Variants in GYG2 observed in about 807,000 individuals in gnomAD.
GYG2 encodes the protein glycogenin-2.
GYG2 carries 29 observed loss-of-function variants against 29.4 expected under a neutral mutation model. The observed-to-expected ratio is 0.99, with a 90% CI of 0.74 to 1.35. The LOEUF is 1.35. Ranked by LOEUF, GYG2 falls within the 40% of genes most tolerant of loss-of-function variation. The probability of loss-of-function intolerance (pLI) is 0.00; values close to 1 mark genes in which losing one functional copy is unlikely to be tolerated. For missense variants in GYG2, 370 were observed against 385.7 expected (o/e 0.96, Z 0.34); for synonymous variants, 167 against 172.3 (o/e 0.97, Z 0.24).
chrX:2,843,546 C>T (rs189028500), intron 3 of GYG2, among the ~76,000 whole-genome samples, 192 bp downstream of exon 3: 4 of 112,229 alleles, frequency 3.6e-5, no homozygotes, highest in Admixed American at 9.4e-5. Flanking sequence ...GGCGTGTGAT[C>T]GGCTTCACAA....
chrX:2,838,452 C>CCCCTCCCTGCCTCCTT, intron 2 of GYG2, among the ~76,000 whole-genome samples: 1 of 72,724 alleles, frequency 1.4e-5, no homozygotes, highest in Non-Finnish European at 2.6e-5. Flanking sequence ...CCCCTCCCCT[C>CCCCTCCCTGCCTCCTT]CCCTCCCTTC....
At chrX:2,829,956 G>A (rs1423383502) in intron 1 of GYG2, 105 bp from the exon 2 acceptor site, 3 of 408,140 alleles carry the variant, frequency 7.4e-6, no homozygotes, top group South Asian at 7.5e-5. Flanking sequence ...GGGGGAGGCA[G>A]GGGCCCCGTG....
intron 8 of GYG2, among the ~76,000 whole-genome samples, chrX:2,865,758 G>C (rs1446344372): frequency 8.9e-6 from 1 of 111,830 alleles, no homozygotes; most frequent in Non-Finnish European, 1.9e-5. Flanking sequence ...AAGATGTGGA[G>C]AAAGGGGAAC....
chrX:2,882,076 C>T lies in GYG2; in HGVS notation c.*863C>T, dbSNP rs975423107. The T allele has an allele frequency of 6.3e-5, 7 of 110,629 alleles. No homozygotes were observed. The highest frequency in any genetic ancestry group is 3.9e-4 in the Admixed American group (4 of 10,319). 9.1% of individuals were successfully genotyped at this position (110,629 alleles called of 1,213,427 possible). On this transcript the variant is annotated 3_prime_UTR_variant, in exon 11 of 11. Transcript: ENST00000398806. ...CAATAACTTAGTGAATCACTGCCCT[C>T]CTCAAAGCCATTTCCACTCAGCTCT...
intron 3 of GYG2, among the ~76,000 whole-genome samples, chrX:2,848,466 A>T (rs1172086297): frequency 9.4e-6 from 1 of 106,047 alleles, no homozygotes; most frequent in Non-Finnish European, 1.9e-5. Context: ...TGAACCTGGG[A>T]GGCAGAGGTT....
At chrX:2,845,756 T>C (rs1296237810) in intron 3 of GYG2, among the ~76,000 whole-genome samples, 1 of 105,126 alleles carries the variant, frequency 9.5e-6, no homozygotes, top group Non-Finnish European at 1.9e-5. Flanking sequence ...TATGCATGTG[T>C]ATGTATATAT....
chrX:2,846,076 T>A (rs1310054383), intron 3 of GYG2, among the ~76,000 whole-genome samples: 1 of 45,743 alleles, frequency 2.2e-5, no homozygotes, highest in Admixed American at 2.9e-4. Context: ...TTTTTTTTTT[T>A]TTTTTTTTGA....
chrX:2,853,992 G>C lies in GYG2; in HGVS notation c.162G>C (p.Ser54=), dbSNP rs899828052. ...QVSSLLRVIL[S]KVFDEVIEVN... Reference sequence around the variant, plus strand: ...ATGTCTGTTCCAGGGTCATCCTCTCGAAGGTGTTCGATGAAGTCATTGAAG... The same window carrying C: ...ATGTCTGTTCCAGGGTCATCCTCTCCAAGGTGTTCGATGAAGTCATTGAAG... The change falls in exon 4 of 11, where the codon TCG becomes TCC. Residue 54 remains serine, a synonymous_variant. Transcript: ENST00000398806. The C allele has an allele frequency of 8.3e-7, 1 of 1,200,865 alleles. No individual in the cohort carries two copies. Among genetic ancestry groups the C allele is most frequent in the Non-Finnish European group, 1.1e-6 (1 of 886,031 alleles).
At position 2,855,138 on chromosome X, in the gene GYG2, A is replaced by G; in HGVS notation, c.470A>G (p.Glu157Gly). Residue 157 changes from glutamate (E) to glycine (G), a missense_variant, in exon 5 of 11, where the codon GAA becomes GGA. By Grantham distance (98) the Glu-to-Gly change is moderately conservative. Transcript: ENST00000398806. Reference sequence around the variant, plus strand: ...AAACTCCTGCTACAGCACGCCATGGAACACGGCAGCTTTGACGGTAAGTCA... The same window carrying G: ...AAACTCCTGCTACAGCACGCCATGGGACACGGCAGCTTTGACGGTAAGTCA... ...THKLLLQHAMEHGSFDGADQG... is the reference protein window; with the variant it reads ...THKLLLQHAMGHGSFDGADQG... The G allele has an allele frequency of 1.7e-6, 2 of 1,210,729 alleles. No homozygotes were observed. Among genetic ancestry groups the G allele is most frequent in the South Asian group, 3.5e-5 (2 of 56,893 alleles).
chrX:2,859,983 G>T lies in GYG2; in HGVS notation c.755G>T (p.Trp252Leu). 1 of 1,206,692 alleles carries T rather than the reference G, an allele frequency of 8.3e-7. No homozygotes were observed. Among genetic ancestry groups the T allele is most frequent in the Non-Finnish European group, 1.1e-6 (1 of 892,397 alleles). Residue 252 changes from tryptophan to leucine, a missense_variant, in exon 7 of 11, where the codon TGG becomes TTG. Transcript: ENST00000398806. Reference protein sequence around the residue: ...SQHQAAFLHLWWTVYQNNVLP... With the variant: ...SQHQAAFLHLLWTVYQNNVLP... ...CACCAGGCGGCATTCCTTCATCTCTGGTGGACGGTCTACCAGAACAACGTG... is the reference window on the plus strand; with the variant it reads ...CACCAGGCGGCATTCCTTCATCTCTTGTGGACGGTCTACCAGAACAACGTG...
chrX:2,846,316 C>T (rs778678132), intron 3 of GYG2, among the ~76,000 whole-genome samples: 1 of 106,923 alleles, frequency 9.4e-6, no homozygotes, highest in South Asian at 4.1e-4. Context: ...ATCTGCCCGC[C>T]TCCGCCTCCC....
In GYG2 at chrX:2,859,862, G is replaced by A. The variant is rs1053648651; in HGVS notation, c.634G>A (p.Val212Ile). ...AFKQFGSSAKVVHFLGSMKPW... is the reference protein window; with the variant it reads ...AFKQFGSSAKIVHFLGSMKPW... ...TCTCAGATTCGGTTCCAGTGCAAAGGTCGTCCACTTTTTGGGGTCCATGAA... is the reference window on the plus strand; with the variant it reads ...TCTCAGATTCGGTTCCAGTGCAAAGATCGTCCACTTTTTGGGGTCCATGAA... The change falls in exon 7 of 11, where the codon GTC becomes ATC. Residue 212 changes from valine (V) to isoleucine (I), a missense_variant. Transcript: ENST00000398806. 1 of 1,197,020 alleles carries A rather than the reference G, an allele frequency of 8.4e-7. No individual in the cohort carries two copies. Among genetic ancestry groups the A allele is most frequent in the Admixed American group, 2.2e-5 (1 of 45,755 alleles).
chrX:2,877,677 C>T (rs986186496), intron 10 of GYG2: 26 of 749,471 alleles, frequency 3.5e-5, no homozygotes, highest in Non-Finnish European at 3.9e-5. Context: ...TGCTAATGTT[C>T]GAATCCAAAT....
intron 8 of GYG2, among the ~76,000 whole-genome samples, chrX:2,869,914 T>C (rs1196784589): frequency 8.9e-6 from 1 of 112,609 alleles, no homozygotes; most frequent in African/African-American, 3.2e-5. Context: ...AGTGTTGAAA[T>C]TACAGGCGTG....
chrX:2,869,337 C>T (rs758084740), intron 8 of GYG2, among the ~76,000 whole-genome samples: 14 of 111,063 alleles, frequency 1.3e-4, no homozygotes, highest in Non-Finnish European at 2.1e-4. Context: ...CTTGAGCATC[C>T]GTGGATTTTG....
chrX:2,846,718 C>T (rs2087746161), intron 3 of GYG2, among the ~76,000 whole-genome samples: 1 of 111,753 alleles, frequency 8.9e-6, no homozygotes, highest in South Asian at 3.8e-4. Flanking sequence ...GCACTCCAGA[C>T]TGGGCAACAG....
chrX:2,849,348 G>A (rs764553348), intron 3 of GYG2, among the ~76,000 whole-genome samples: 1 of 111,629 alleles, frequency 9.0e-6, no homozygotes, highest in African/African-American at 3.3e-5. Context: ...TAAATACAGA[G>A]CAGTGAAATC....
intron 10 of GYG2, among the ~76,000 whole-genome samples, chrX:2,880,821 C>T (rs1380081662): frequency 9.0e-6 from 1 of 111,598 alleles, no homozygotes; most frequent in East Asian, 2.8e-4. Context: ...GTGGGAGGAT[C>T]TCTTGAGCCC....
At chrX:2,858,105 A>G (rs2088064753) in intron 6 of GYG2, among the ~76,000 whole-genome samples, 1 of 111,066 alleles carries the variant, frequency 9.0e-6, no homozygotes, top group African/African-American at 3.3e-5. Flanking sequence ...AAAGGGATTG[A>G]TAAATATGCT....
Sources: allele counts gnomAD v4.1 joint callset (sites outside exome capture counted in the v4.1 genomes callset), GRCh38; gene constraint gnomAD v4.1.1; transcripts MANE v1.5; gene names NCBI Gene and HGNC (gene_info 2026-07-23, HGNC 2026-07-21).